The following SLC35F4 variants were observed in gnomAD, a reference collection of about 807,000 sequenced individuals.
The protein encoded by SLC35F4 is solute carrier family 35 member F4.
A neutral mutation model predicts 44.2 loss-of-function variants in SLC35F4; 24 were observed. The observed-to-expected ratio is 0.54, with a 90% CI of 0.39 to 0.76. The LOEUF is 0.76. SLC35F4 is among the 30% of genes least tolerant of loss of function. SLC35F4 has a pLI of 0.00. For missense variants in SLC35F4, 562 were observed against 586.1 expected (o/e 0.96, Z 0.42); for synonymous variants, 238 against 223.6 (o/e 1.06, Z -0.57).
chr14:57,653,936 C>T lies in SLC35F4; in HGVS notation c.104-59812G>A, dbSNP rs2073873614. 3.3e-5 allele frequency among the ~76,000 whole-genome samples: 5 copies of T among 152,246 alleles called. No homozygotes were observed. The South Asian group carries it at 1.0e-3, about 32-fold the overall frequency. On this transcript the variant is annotated intron_variant, in intron 1 of 7. Coordinates refer to ENST00000556826, the MANE Select transcript of SLC35F4 (RefSeq NM_001306087.2). ...GAGGGCTGTGAGGAAGAATCTATTCCATGCTGCTCCCCTAGCTTCTGGTGG... is the reference window on the plus strand; with the variant it reads ...GAGGGCTGTGAGGAAGAATCTATTCTATGCTGCTCCCCTAGCTTCTGGTGG...
At chr14:57,611,465 G>C (rs2071494224) in intron 1 of SLC35F4, among the ~76,000 whole-genome samples, 1 of 152,012 alleles carries the variant, frequency 6.6e-6, no homozygotes, top group Admixed American at 6.6e-5. Flanking sequence ...ACACCCCGGG[G>C]AACAGTCCTG....
chr14:57,767,620 A>G (rs1194463784), intron 1 of SLC35F4, among the ~76,000 whole-genome samples: 2 of 152,172 alleles, frequency 1.3e-5, no homozygotes, highest in African/African-American at 2.4e-5. Flanking sequence ...CCAAGAAACT[A>G]GAAAAGGAAT....
chr14:57,893,319 G>A (rs1254297931), intron 1 of SLC35F4, among the ~76,000 whole-genome samples: 1 of 152,128 alleles, frequency 6.6e-6, no homozygotes, highest in East Asian at 1.9e-4. Context: ...CATTAAGCAT[G>A]TACTATCTGT....
intron 1 of SLC35F4, among the ~76,000 whole-genome samples, chr14:57,797,685 C>T (rs187294698): frequency 6.6e-6 from 1 of 152,112 alleles, no homozygotes; most frequent in Admixed American, 6.5e-5. Context: ...CAGAAAAGAC[C>T]AGATGTCTTA....
intron 1 of SLC35F4, among the ~76,000 whole-genome samples, chr14:57,816,116 C>T (rs1882556270): frequency 6.6e-6 from 1 of 152,146 alleles, no homozygotes; most frequent in Non-Finnish European, 1.5e-5. Flanking sequence ...TGGAGAGTTG[C>T]ACTTCACATA....
intron 1 of SLC35F4, among the ~76,000 whole-genome samples, chr14:57,854,672 T>C (rs542752336): frequency 7.9e-5 from 12 of 152,336 alleles, no homozygotes; most frequent in Admixed American, 2.6e-4. Flanking sequence ...AGTACCTGCA[T>C]GCATCTGCAG....
At chr14:57,777,634 G>T (rs1332157261) in intron 1 of SLC35F4, among the ~76,000 whole-genome samples, 1 of 151,742 alleles carries the variant, frequency 6.6e-6, no homozygotes, top group Non-Finnish European at 1.5e-5. Flanking sequence ...TGTCGCGGGG[G>T]TGAGGGGCTG....
chr14:57,733,197 C>T (rs7157726), intron 1 of SLC35F4, among the ~76,000 whole-genome samples: 4,170 of 152,086 alleles, frequency 0.027, 184 homozygotes, highest in African/African-American at 0.089. Context: ...ACTAGCTCTC[C>T]GGCCTACTGA....
intron 1 of SLC35F4, among the ~76,000 whole-genome samples, chr14:57,813,595 CT>C (rs1463984916): frequency 3.3e-5 from 5 of 152,126 alleles, no homozygotes; most frequent in African/African-American, 1.2e-4. Context: ...TTAATGCTTC[CT>C]TATAAAAAGT....
chr14:57,705,360 T>C (rs943340962), intron 1 of SLC35F4, among the ~76,000 whole-genome samples: 1 of 152,210 alleles, frequency 6.6e-6, no homozygotes, highest in Admixed American at 6.5e-5. Context: ...TACACAGTTA[T>C]TATTACAAAA....
chr14:57,728,823 T>C (rs1379375743), intron 1 of SLC35F4, among the ~76,000 whole-genome samples: 1 of 152,184 alleles, frequency 6.6e-6, no homozygotes, highest in Admixed American at 6.5e-5. Flanking sequence ...AGAACTCCCT[T>C]TAGCATTTCT....
intron 1 of SLC35F4, among the ~76,000 whole-genome samples, chr14:57,654,914 T>C (rs937844378): frequency 3.3e-5 from 5 of 152,216 alleles, no homozygotes; most frequent in Non-Finnish European, 7.3e-5. Context: ...GCACCCTAGC[T>C]TATTTAAAGG....
At chr14:57,764,836 C>G (rs992102106) in intron 1 of SLC35F4, among the ~76,000 whole-genome samples, 1 of 152,110 alleles carries the variant, frequency 6.6e-6, no homozygotes, top group Non-Finnish European at 1.5e-5. Flanking sequence ...GCGTTCTGTA[C>G]AACAATGTAA....
At chr14:57,635,052 C>G (rs1054784358) in intron 1 of SLC35F4, among the ~76,000 whole-genome samples, 4 of 151,998 alleles carry the variant, frequency 2.6e-5, no homozygotes, top group African/African-American at 7.2e-5. Flanking sequence ...GAGTTCAAGA[C>G]AAACCTGGGC....
In SLC35F4 at chr14:57,771,213, G is replaced by A. The variant is rs1381345943; in HGVS notation, c.103+94510C>T. On this transcript the variant is annotated intron_variant, in intron 1 of 7. Transcript: ENST00000556826. ...TTTCCTCACTCTGCACTTATTAATT[G>A]TACACTTACCTGACTGAAAATCTCA... 2.6e-5 allele frequency among the ~76,000 whole-genome samples: 4 copies of A among 152,158 alleles called. No homozygotes were observed. The South Asian group carries it at 8.3e-4, about 32-fold the overall frequency.
intron 1 of SLC35F4, among the ~76,000 whole-genome samples, chr14:57,936,387 CT>C (rs980738477): frequency 6.6e-6 from 1 of 152,010 alleles, no homozygotes; most frequent in African/African-American, 2.4e-5. Context: ...CATTCTGTGA[CT>C]TTTGTGTCCC....
chr14:57,619,308 C>A lies in SLC35F4; in HGVS notation c.104-25184G>T, dbSNP rs756425371. On this transcript the variant is annotated intron_variant, in intron 1 of 7. Transcript: ENST00000556826. The stretch of plus-strand genomic sequence containing the variant: ...CAGGAGTGCTCTGGCTGGCATCTGG[C>A]GGGTGCCCCTCTGGGACAAAGTTTC... Among the ~76,000 whole-genome samples the A allele has an allele frequency of 5.9e-5, 9 of 152,242 alleles. No individual in the cohort carries two copies. The South Asian group carries it at 1.2e-3, about 21-fold the overall frequency.
intron 1 of SLC35F4, among the ~76,000 whole-genome samples, chr14:57,599,875 CT>C (rs1330760038): frequency 6.6e-6 from 1 of 150,930 alleles, no homozygotes; most frequent in African/African-American, 2.4e-5. Context: ...TAGGTCATGA[CT>C]TTTAATTAAG....
Position 57,808,931 on chromosome 14 carries a change from C to G in SLC35F4, c.103+56792G>C, listed in dbSNP as rs79527076. Reference sequence around the variant, plus strand: ...TGAAAAAGGATTTTAATCCATTGTTCTTCTTTTTTTCTAGGTCCAGAGCAG... The same window carrying G: ...TGAAAAAGGATTTTAATCCATTGTTGTTCTTTTTTTCTAGGTCCAGAGCAG... On this transcript the variant is annotated intron_variant, in intron 1 of 7. Coordinates refer to ENST00000556826, the MANE Select transcript of SLC35F4 (RefSeq NM_001306087.2). Among the ~76,000 whole-genome samples, 4 of 49,254 alleles carry G rather than the reference C, an allele frequency of 8.1e-5. No individual in the cohort carries two copies. The East Asian group carries it at 5.1e-3, about 62-fold the overall frequency. The allele number at this position is 49,254 out of a possible 152,430, so 32.3% of individuals were successfully genotyped here.
Sources: gnomAD v4.1 joint callset for allele counts (sites outside exome capture counted in the v4.1 genomes callset) on GRCh38, gnomAD v4.1.1 for gene constraint, MANE v1.5 for transcripts, NCBI Gene and HGNC (gene_info 2026-07-23, HGNC 2026-07-21) for gene names.